OTUD7A: variants seen among roughly 807,000 people sequenced by gnomAD.
OTUD7A encodes the protein OTU deubiquitinase 7A.
OTUD7A carries 12 observed loss-of-function variants against 65.7 expected under a neutral mutation model. That is an observed-to-expected ratio of 0.18 (90% CI 0.12 to 0.30). The LOEUF (loss-of-function observed/expected upper bound fraction) is 0.30, where lower values mean the gene tolerates loss of function less well. Among genes scored for constraint, OTUD7A ranks in the 10% least tolerant of loss-of-function variants. The pLI is 1.00. For synonymous variants in OTUD7A, 641 were observed against 586.3 expected, an observed-to-expected ratio of 1.09 and a Z score of -1.35; for missense variants, 1,148 against 1,304.8, an observed-to-expected ratio of 0.88 and a Z score of 1.85.
At chr15:31,656,557 T>C (rs1009346153) in intron 2 of OTUD7A, among the ~76,000 whole-genome samples, 1 of 152,214 alleles carries the variant, frequency 6.6e-6, no homozygotes, top group African/African-American at 2.4e-5. Context: ...TTACAGGCAA[T>C]GGAAAATTTT....
intron 1 of OTUD7A, among the ~76,000 whole-genome samples, chr15:31,842,404 GGCTA>G (rs1267033562): frequency 6.6e-6 from 1 of 152,242 alleles, no homozygotes; most frequent in Non-Finnish European, 1.5e-5. Context: ...GGGAAAGAGA[GGCTA>G]GCAAGAGGGA....
intron 1 of OTUD7A, among the ~76,000 whole-genome samples, chr15:31,710,927 C>T (rs1893428061): frequency 1.3e-5 from 2 of 152,052 alleles, no homozygotes; most frequent in South Asian, 4.2e-4. Flanking sequence ...CCAGGTATTC[C>T]CATGGCCGTG....
In OTUD7A at chr15:31,645,918, T is replaced by G. The variant is rs550162159; in HGVS notation, c.151+9178A>C. Among the ~76,000 whole-genome samples the G allele has an allele frequency of 7.2e-4, 110 of 152,084 alleles. 1 individual carries two copies. Among genetic ancestry groups the G allele is most frequent in the Middle Eastern group, 6.8e-3 (2 of 294 alleles). Reference sequence around the variant, plus strand: ...TTCTTTCTTCCTGGGTCTCCCACACTCAGCCCAGAGGCCCTCAACGCCTGC... The same window carrying G: ...TTCTTTCTTCCTGGGTCTCCCACACGCAGCCCAGAGGCCCTCAACGCCTGC... On this transcript the variant is annotated intron_variant, in intron 3 of 12. Coordinates refer to ENST00000307050, the MANE Select transcript of OTUD7A (RefSeq NM_001382637.1).
At chr15:31,515,397 G>A (rs1035918280) in intron 8 of OTUD7A, among the ~76,000 whole-genome samples, 3 of 152,188 alleles carry the variant, frequency 2.0e-5, no homozygotes, top group African/African-American at 7.2e-5. Context: ...CCTTTGTACT[G>A]GCACAGCATT....
intron 1 of OTUD7A, among the ~76,000 whole-genome samples, chr15:31,864,442 G>A (rs976486127): frequency 6.6e-6 from 1 of 152,150 alleles, no homozygotes; most frequent in Non-Finnish European, 1.5e-5. Flanking sequence ...AATTACGGCA[G>A]GGAGCGAAAG....
Position 31,487,611 on chromosome 15 carries a change from C to T in OTUD7A, c.1172-45G>A, listed in dbSNP as rs1261401578. Reference sequence around the variant, plus strand: ...GCCGTGCTTGGAGCCCCGGCAGTCCCCAGGCAGGATGGCAAGGAAATTCCC... The same window carrying T: ...GCCGTGCTTGGAGCCCCGGCAGTCCTCAGGCAGGATGGCAAGGAAATTCCC... On this transcript the variant is annotated intron_variant, in intron 10 of 12. Coordinates refer to ENST00000307050, the MANE Select transcript of OTUD7A (RefSeq NM_001382637.1). The surrounding 1 kb of genome is among the most constrained non-coding windows in gnomAD (Gnocchi z 6.0). The T allele has an allele frequency of 4.6e-6, 7 of 1,533,928 alleles. No individual in the cohort carries two copies. Among genetic ancestry groups the T allele is most frequent in the Non-Finnish European group, 5.3e-6 (6 of 1,126,076 alleles).
intron 3 of OTUD7A, among the ~76,000 whole-genome samples, chr15:31,577,205 A>G (rs992462486): frequency 6.6e-6 from 1 of 152,184 alleles, no homozygotes; most frequent in Non-Finnish European, 1.5e-5. Flanking sequence ...TAACGCAGCT[A>G]GCACTTTCCT....
chr15:31,800,032 A>C (rs1256321291), intron 1 of OTUD7A, among the ~76,000 whole-genome samples: 1 of 152,164 alleles, frequency 6.6e-6, no homozygotes, highest in African/African-American at 2.4e-5. Flanking sequence ...TACACCAGAA[A>C]CCGCAGAAAG....
chr15:31,658,540 A>C (rs1205877003), intron 1 of OTUD7A, among the ~76,000 whole-genome samples: 1 of 151,944 alleles, frequency 6.6e-6, no homozygotes, highest in African/African-American at 2.4e-5. Flanking sequence ...TGTGGGAACT[A>C]TGAGCCCCCT....
At chr15:31,777,172 A>G (rs12324278) in intron 1 of OTUD7A, among the ~76,000 whole-genome samples, 3,989 of 152,188 alleles carry the variant, frequency 0.026, 173 homozygotes, top group African/African-American at 0.088. Flanking sequence ...CTCCTGGTTC[A>G]TACACGGTGA....
intron 1 of OTUD7A, among the ~76,000 whole-genome samples, chr15:31,722,019 T>C (rs1269346286): frequency 2.6e-5 from 4 of 152,214 alleles, no homozygotes; most frequent in African/African-American, 7.2e-5. Context: ...CGGGGTCTGC[T>C]TGTGTGAACT....
chr15:31,588,971 C>T (rs549098674), intron 3 of OTUD7A, among the ~76,000 whole-genome samples: 100 of 152,334 alleles, frequency 6.6e-4, no homozygotes, highest in African/African-American at 2.3e-3. Flanking sequence ...GGGCACATGG[C>T]ACACTTTCTG....
intron 1 of OTUD7A, among the ~76,000 whole-genome samples, chr15:31,675,788 C>A (rs1892583184): frequency 6.6e-6 from 1 of 152,144 alleles, no homozygotes; most frequent in Admixed American, 6.5e-5. Flanking sequence ...AGCCAACCAA[C>A]CCCCACCAAA....
chr15:31,710,223 C>T (rs1893407208), intron 1 of OTUD7A, among the ~76,000 whole-genome samples: 1 of 148,968 alleles, frequency 6.7e-6, no homozygotes, highest in African/African-American at 2.5e-5. Flanking sequence ...AGACATCTGT[C>T]TTTTTTGTAA....
intron 1 of OTUD7A, among the ~76,000 whole-genome samples, chr15:31,815,106 C>G (rs1014138724): frequency 2.6e-5 from 4 of 152,130 alleles, no homozygotes; most frequent in African/African-American, 9.7e-5. Flanking sequence ...CACAGAACTC[C>G]CCAGCCCTTC....
chr15:31,679,685 G>A (rs1200163048), intron 1 of OTUD7A, among the ~76,000 whole-genome samples: 3 of 152,120 alleles, frequency 2.0e-5, no homozygotes, highest in African/African-American at 7.2e-5. Flanking sequence ...AGTCTCCTGA[G>A]GACTCCTCAG....
chr15:31,865,729 G>T (rs886777976), intron 1 of OTUD7A, among the ~76,000 whole-genome samples: 3 of 152,156 alleles, frequency 2.0e-5, no homozygotes, highest in African/African-American at 7.2e-5. Context: ...CTAAACCTTT[G>T]TCTCAGTAAC....
At chr15:31,634,939 C>T (rs1381913968) in intron 3 of OTUD7A, among the ~76,000 whole-genome samples, 3 of 152,236 alleles carry the variant, frequency 2.0e-5, no homozygotes, top group African/African-American at 7.2e-5. Flanking sequence ...CTCTTCCCAC[C>T]TTCTGGAACC....
At chr15:31,720,422 G>C (rs1049644136) in intron 1 of OTUD7A, among the ~76,000 whole-genome samples, 15 of 142,120 alleles carry the variant, frequency 1.1e-4, no homozygotes, top group Admixed American at 6.5e-4. Flanking sequence ...TTTTTTTTGA[G>C]ACGGAGTCTC....
Sources: allele counts gnomAD v4.1 joint callset (sites outside exome capture counted in the v4.1 genomes callset), GRCh38; gene constraint gnomAD v4.1.1; non-coding constraint Gnocchi (gnomAD v3.1); transcripts MANE v1.5; gene names NCBI Gene and HGNC (gene_info 2026-07-23, HGNC 2026-07-21).